The following SLC6A11 variants were observed in gnomAD, a reference collection of about 807,000 sequenced individuals.
SLC6A11 encodes the protein solute carrier family 6 member 11, also known as sodium- and chloride-dependent GABA transporter 3.
In SLC6A11, 25 loss-of-function variants were observed where a neutral mutation model predicts 74.8. The observed-to-expected ratio is 0.33, with a 90% confidence interval of 0.24 to 0.47. SLC6A11 has a LOEUF of 0.47. SLC6A11 is among the 20% of genes least tolerant of loss of function. The pLI, the probability that SLC6A11 is intolerant of heterozygous loss-of-function variation, is 1.00. For synonymous variants in SLC6A11, 330 were observed against 330.2 expected (o/e 1.00, Z 0.01); for missense variants, 574 against 837.0 (o/e 0.69, Z 3.88).
chr3:10,873,666 TCCTATCCTATC>T (rs1462093720), intron 5 of SLC6A11, among the ~76,000 whole-genome samples: 6 of 148,218 alleles, frequency 4.0e-5, no homozygotes, highest in African/African-American at 7.5e-5. Context: ...TCCCGTCCTA[TCCTATCCTATC>T]CTATCCCGTC....
intron 4 of SLC6A11, among the ~76,000 whole-genome samples, chr3:10,836,592 G>A (rs886246641): frequency 3.3e-5 from 5 of 152,192 alleles, no homozygotes; most frequent in Non-Finnish European, 5.9e-5. Context: ...CCATTTCAAT[G>A]CGGAACACTT....
chr3:10,885,276 CTT>C, intron 6 of SLC6A11, among the ~76,000 whole-genome samples: 1 of 152,166 alleles, frequency 6.6e-6, no homozygotes, highest in East Asian at 1.9e-4. Context: ...GTAGGCTCAA[CTT>C]TGTTTTCTTA....
At chr3:10,819,916 T>C (rs1694116122) in intron 3 of SLC6A11, 64 bp downstream of exon 3, 4 of 1,573,524 alleles carry the variant, frequency 2.5e-6, no homozygotes, top group Non-Finnish European at 3.5e-6. Context: ...GGTTTGTTCA[T>C]GCCCTTCAGG....
In SLC6A11 at chr3:10,816,367, G is replaced by GCCCGCGCGCCA; in HGVS notation, c.111_121dup (p.Val41AlafsTer25). ...GCGGCTGCAGCAGCGGGGGCGCGGCGCCCGCGCGCCACCCGCGCGTCAAGC... is the reference window on the plus strand; with the variant it reads ...GCGGCTGCAGCAGCGGGGGCGCGGCGCCCGCGCGCCACCCGCGCGCCACCCGCGCGTCAAGC... On this transcript the variant is annotated frameshift_variant, in exon 1 of 14. Transcript: ENST00000254488. LOFTEE classifies it high-confidence loss of function. This position sits in a 1 kb window ranked among gnomAD's most constrained non-coding sequence, Gnocchi z 4.2. 6.8e-7 allele frequency: 1 copy of GCCCGCGCGCCA among 1,470,290 alleles called. No individual in the cohort carries two copies. Among genetic ancestry groups the GCCCGCGCGCCA allele is most frequent in the Non-Finnish European group, 9.0e-7 (1 of 1,111,450 alleles). The allele number at this position is 1,470,290 out of a possible 1,614,324, so 91.1% of individuals were successfully genotyped here. A position where few individuals can be genotyped will look rare whatever the true frequency, so the allele number is the denominator to read the frequency against.
intron 4 of SLC6A11, among the ~76,000 whole-genome samples, chr3:10,833,398 G>A (rs1694323503): frequency 6.6e-6 from 1 of 152,190 alleles, no homozygotes. Context: ...AGGCCCGAGG[G>A]AGAACCCAAG....
intron 8 of SLC6A11, among the ~76,000 whole-genome samples, chr3:10,924,289 A>G (rs889071616): frequency 2.0e-5 from 3 of 152,226 alleles, no homozygotes; most frequent in African/African-American, 4.8e-5. Flanking sequence ...CTCTGCCTCT[A>G]TACCATATGG....
chr3:10,928,161 GAT>G (rs1414854893), intron 9 of SLC6A11, among the ~76,000 whole-genome samples: 2 of 152,160 alleles, frequency 1.3e-5, no homozygotes, highest in Admixed American at 1.3e-4. Context: ...TCGCAGGTAT[GAT>G]ATGTTTGCTA....
At chr3:10,834,919 T>C (rs1694346767) in intron 4 of SLC6A11, among the ~76,000 whole-genome samples, 1 of 152,132 alleles carries the variant, frequency 6.6e-6, no homozygotes, top group African/African-American at 2.4e-5. Flanking sequence ...CCAACCTCAC[T>C]TCCATTTTAG....
In SLC6A11 at chr3:10,915,074, G is replaced by A. The variant is rs768890938; in HGVS notation, c.995+2881G>A. Among the ~76,000 whole-genome samples the A allele has an allele frequency of 5.8e-4, 89 of 152,276 alleles. 1 individual carries two copies. The highest frequency in any genetic ancestry group is 9.6e-4 in the Non-Finnish European group (65 of 68,016). On this transcript the variant is annotated intron_variant, in intron 7 of 13. Coordinates refer to ENST00000254488, the MANE Select transcript of SLC6A11 (RefSeq NM_014229.3). This position sits in a 1 kb window ranked among gnomAD's most constrained non-coding sequence, Gnocchi z 4.3. ...AAGGAGATGGTGGCCCGTGGAGCTC[G>A]AGTCCCTTACTCCTGTTCACATTGC... is the stretch of plus-strand genomic sequence containing the variant.
At position 10,874,920 on chromosome 3, in the gene SLC6A11, C is replaced by G. The variant is rs115138421; in HGVS notation, c.757-41C>G. 3.6e-4 allele frequency: 570 copies of G among 1,565,770 alleles called. 2 individuals are homozygous for G. The African/African-American group carries it at 6.0e-3, about 17-fold the overall frequency. ...TGCTGAGTGAAGTAACCCCATTGCT[C>G]TCACCCCCTTCTTGATTCTGTCCTC... On this transcript the variant is annotated intron_variant, in intron 5 of 13. Transcript: ENST00000254488.
In SLC6A11 at chr3:10,873,996, T is replaced by TAC. The variant is rs1559567293; in HGVS notation, c.757-965_757-964insAC. On this transcript the variant is annotated intron_variant, in intron 5 of 13. Transcript: ENST00000254488. Reference sequence around the variant, plus strand: ...TGCTACGCTACGCTACGCTACGCTATGCTATGCTATGCTATGCTATACCAT... The same window carrying TAC: ...TGCTACGCTACGCTACGCTACGCTATACGCTATGCTATGCTATGCTATACCAT... Among the ~76,000 whole-genome samples, 946 of 128,586 alleles carry TAC rather than the reference T, an allele frequency of 7.4e-3. 5 individuals carry two copies. The highest frequency in any genetic ancestry group is 0.014 in the Middle Eastern group (4 of 278). 84.4% of individuals were successfully genotyped at this position (128,586 alleles called of 152,430 possible). A position where few individuals can be genotyped will look rare whatever the true frequency, so the allele number is the denominator to read the frequency against.
At position 10,901,501 on chromosome 3, in the gene SLC6A11, C is replaced by T. The variant is rs907266812; in HGVS notation, c.892-10589C>T. The stretch of plus-strand genomic sequence containing the variant: ...GCAGGGCCCTGGTTGGCCCCAGGGC[C>T]GGCTGCCCAGGGAAGGGTTTGGCAC... On this transcript the variant is annotated intron_variant, in intron 6 of 13. Coordinates refer to ENST00000254488, the MANE Select transcript of SLC6A11 (RefSeq NM_014229.3). Among the ~76,000 whole-genome samples the T allele has an allele frequency of 3.9e-5, 6 of 152,224 alleles. No individual in the cohort carries two copies. In the South Asian group the frequency reaches 8.3e-4, roughly 21 times the overall value.
At chr3:10,910,245 C>T (rs1695368746) in intron 6 of SLC6A11, among the ~76,000 whole-genome samples, 1 of 152,206 alleles carries the variant, frequency 6.6e-6, no homozygotes, top group African/African-American at 2.4e-5. Context: ...TGTTGAATGA[C>T]TTAACACAGT....
chr3:10,904,089 A>G (rs1435414501), intron 6 of SLC6A11, among the ~76,000 whole-genome samples: 1 of 152,260 alleles, frequency 6.6e-6, no homozygotes, highest in Non-Finnish European at 1.5e-5. Context: ...GACATACAGT[A>G]TTGTAAACTG....
chr3:10,909,728 C>T (rs1428850637), intron 6 of SLC6A11, among the ~76,000 whole-genome samples: 2 of 152,236 alleles, frequency 1.3e-5, no homozygotes, highest in African/African-American at 4.8e-5. Flanking sequence ...TCAGCAGCTG[C>T]ACTGCTTTTT....
At chr3:10,893,648 G>A (rs1000173246) in intron 6 of SLC6A11, among the ~76,000 whole-genome samples, 3 of 152,180 alleles carry the variant, frequency 2.0e-5, no homozygotes, top group Admixed American at 6.5e-5. Flanking sequence ...GAGAAGTGTC[G>A]TGAACGCGTC....
chr3:10,827,809 G>A (rs1277866961), intron 4 of SLC6A11, among the ~76,000 whole-genome samples: 2 of 152,188 alleles, frequency 1.3e-5, no homozygotes, highest in African/African-American at 4.8e-5. Context: ...ATCTGGCCAT[G>A]GCTTTGCCTT....
chr3:10,903,452 AG>A (rs1695265248), intron 6 of SLC6A11, among the ~76,000 whole-genome samples: 1 of 152,152 alleles, frequency 6.6e-6, no homozygotes, highest in African/African-American at 2.4e-5. Flanking sequence ...CCTCTCTGCC[AG>A]ATGTTGTATG....
At chr3:10,835,101 G>A (rs1694349275) in intron 4 of SLC6A11, among the ~76,000 whole-genome samples, 1 of 152,182 alleles carries the variant, frequency 6.6e-6, no homozygotes, top group African/African-American at 2.4e-5. Flanking sequence ...GACACACAGT[G>A]GCTTCTTGCA....
Sources: gnomAD v4.1 joint callset for allele counts (sites outside exome capture counted in the v4.1 genomes callset) on GRCh38, gnomAD v4.1.1 for gene constraint, Gnocchi (gnomAD v3.1) non-coding constraint, MANE v1.5 for transcripts, NCBI Gene and HGNC (gene_info 2026-07-23, HGNC 2026-07-21) for gene names.